Variants in GPC5 observed in about 807,000 individuals in gnomAD.
The protein encoded by GPC5 is glypican 5, also known as glypican-5.
In GPC5, 47 loss-of-function variants were observed where a neutral mutation model predicts 53.9. The observed-to-expected ratio is 0.87, with a 90% CI of 0.69 to 1.11. The LOEUF (loss-of-function observed/expected upper bound fraction) is 1.11. Among genes scored for constraint, GPC5 ranks in the 50% most tolerant of loss-of-function variants. GPC5 has a pLI of 0.00. For synonymous variants in GPC5, 286 were observed against 263.3 expected, an observed-to-expected ratio of 1.09 and a Z score of -0.84; for missense variants, 748 against 713.1, an observed-to-expected ratio of 1.05 and a Z score of -0.56.
intron 5 of GPC5, among the ~76,000 whole-genome samples, chr13:91,862,598 G>T (rs1204068550): frequency 6.6e-6 from 1 of 152,076 alleles, no homozygotes; most frequent in African/African-American, 2.4e-5. Context: ...AAACAAAATT[G>T]TGTGTCTGTA....
At chr13:92,215,424 A>G (rs2042402884) in intron 7 of GPC5, among the ~76,000 whole-genome samples, 1 of 152,168 alleles carries the variant, frequency 6.6e-6, no homozygotes, top group Admixed American at 6.5e-5. Context: ...ATACATCAAC[A>G]TTTGCTATTT....
At position 91,520,720 on chromosome 13, in the gene GPC5, A is replaced by ATG. The variant is rs968182487; in HGVS notation, c.325+71812_325+71813dup. Among the ~76,000 whole-genome samples the ATG allele has an allele frequency of 1.8e-3, 272 of 148,172 alleles. 1 individual carries two copies. Among genetic ancestry groups the ATG allele is most frequent in the African/African-American group, 5.9e-3 (230 of 38,936 alleles). ...TATGTATATATATGTGTGTGTGTGT[A>ATG]TGTGTGTGTGTGTGTATATATATAT... On this transcript the variant is annotated intron_variant, in intron 2 of 7. Coordinates refer to ENST00000377067, the MANE Select transcript of GPC5 (RefSeq NM_004466.6).
chr13:91,945,108 C>CCAAA (rs2039962652), intron 6 of GPC5, among the ~76,000 whole-genome samples: 1 of 152,142 alleles, frequency 6.6e-6, no homozygotes. Flanking sequence ...TTATGATGAT[C>CCAAA]TATCTTGGCT....
intron 2 of GPC5, among the ~76,000 whole-genome samples, chr13:91,535,598 A>G (rs2138695521): frequency 6.6e-6 from 1 of 152,330 alleles, no homozygotes; most frequent in African/African-American, 2.4e-5. Context: ...TTTGAAGCAT[A>G]GGAATTATCA....
At chr13:92,035,870 C>A (rs889570391) in intron 6 of GPC5, among the ~76,000 whole-genome samples, 1 of 151,450 alleles carries the variant, frequency 6.6e-6, no homozygotes, top group Non-Finnish European at 1.5e-5. Context: ...TTTAATCTTA[C>A]AGCATTTATT....
chr13:92,492,295 T>C (rs984508582), intron 7 of GPC5, among the ~76,000 whole-genome samples: 2 of 151,916 alleles, frequency 1.3e-5, no homozygotes, highest in South Asian at 2.1e-4. Flanking sequence ...TTTTTAACAA[T>C]GAGAACACTT....
chr13:91,770,875 A>G (rs540163787), intron 5 of GPC5, among the ~76,000 whole-genome samples: 1 of 152,308 alleles, frequency 6.6e-6, no homozygotes, highest in African/African-American at 2.4e-5. Context: ...TGTGTGGTAT[A>G]CATGAGAGGG....
intron 3 of GPC5, among the ~76,000 whole-genome samples, chr13:91,712,565 A>G (rs1038872750): frequency 2.6e-5 from 4 of 152,188 alleles, no homozygotes; most frequent in African/African-American, 4.8e-5. Flanking sequence ...TAAAATGCAC[A>G]TCACAGTCAT....
At chr13:92,379,486 C>T (rs61973564) in intron 7 of GPC5, among the ~76,000 whole-genome samples, 1 of 151,932 alleles carries the variant, frequency 6.6e-6, no homozygotes, top group Non-Finnish European at 1.5e-5. Context: ...GTCCTCTGCA[C>T]GTTAGTTCCT....
chr13:92,006,942 ATG>A (rs1413903244), intron 6 of GPC5, among the ~76,000 whole-genome samples: 4 of 152,148 alleles, frequency 2.6e-5, no homozygotes, highest in Admixed American at 6.5e-5. Flanking sequence ...ATAGTTGTGG[ATG>A]TTATGAATTC....
intron 7 of GPC5, among the ~76,000 whole-genome samples, chr13:92,410,901 C>G (rs1261511777): frequency 1.3e-5 from 2 of 152,180 alleles, no homozygotes; most frequent in African/African-American, 2.4e-5. Flanking sequence ...AGAAAAGCTA[C>G]AATTCTGACA....
At chr13:92,766,733 A>G (rs1430879438) in intron 7 of GPC5, among the ~76,000 whole-genome samples, 2 of 152,208 alleles carry the variant, frequency 1.3e-5, no homozygotes, top group African/African-American at 2.4e-5. Context: ...CAAAATAGAG[A>G]GAGAGAGAGC....
chr13:91,849,071 C>A (rs2038884017), intron 5 of GPC5, among the ~76,000 whole-genome samples: 1 of 152,136 alleles, frequency 6.6e-6, no homozygotes, highest in African/African-American at 2.4e-5. Context: ...AGGTGGTCAG[C>A]CCCTTTAGCT....
chr13:92,124,710 G>T (rs1042571310), intron 6 of GPC5, among the ~76,000 whole-genome samples: 11 of 152,290 alleles, frequency 7.2e-5, no homozygotes, highest in Admixed American at 6.5e-4. Context: ...GAGACAAGCT[G>T]CTGCATCAAC....
At chr13:92,355,010 T>C (rs960675697) in intron 7 of GPC5, among the ~76,000 whole-genome samples, 1 of 150,252 alleles carries the variant, frequency 6.7e-6, no homozygotes, top group South Asian at 2.1e-4. Context: ...TTAAATTAGC[T>C]TTAATTTAAT....
At chr13:92,366,536 T>C (rs1201127164) in intron 7 of GPC5, among the ~76,000 whole-genome samples, 1 of 151,624 alleles carries the variant, frequency 6.6e-6, no homozygotes, top group Admixed American at 6.5e-5. Flanking sequence ...CTTTACATCT[T>C]GAGTGCACTA....
chr13:91,399,089 C>T lies in GPC5; in HGVS notation c.43C>T (p.Leu15Phe), dbSNP rs1876704991. The change falls in exon 1 of 8, where the codon CTT becomes TTT. Residue 15 changes from leucine to phenylalanine, a missense_variant. Transcript: ENST00000377067. ...TWPVGFRCLL[L>F]LALVGSARSE... ...GCCCGTGGGCTTTCGCTGCCTCCTC[C>T]TTCTGGCCCTGGTTGGGTCCGCCCG... is the stretch of plus-strand genomic sequence containing the variant. 3 of 1,593,452 alleles carry T rather than the reference C, an allele frequency of 1.9e-6. No homozygotes were observed. The highest frequency in any genetic ancestry group is 2.6e-6 in the Non-Finnish European group (3 of 1,170,290).
chr13:91,406,610 A>C (rs1214574504), intron 1 of GPC5, among the ~76,000 whole-genome samples: 2 of 152,234 alleles, frequency 1.3e-5, no homozygotes, highest in Non-Finnish European at 2.9e-5. Context: ...AAAGACCCCA[A>C]GCCATTGATA....
At chr13:92,031,751 ATT>A (rs2040846971) in intron 6 of GPC5, among the ~76,000 whole-genome samples, 2 of 80,832 alleles carry the variant, frequency 2.5e-5, no homozygotes, top group Non-Finnish European at 2.2e-5. Flanking sequence ...TATAATATAT[ATT>A]ATATTACATA....
Sources: allele counts gnomAD v4.1 joint callset (sites outside exome capture counted in the v4.1 genomes callset), GRCh38; gene constraint gnomAD v4.1.1; transcripts MANE v1.5; gene names NCBI Gene and HGNC (gene_info 2026-07-23, HGNC 2026-07-21).